NOL12: variants seen among roughly 807,000 people sequenced by gnomAD.
NOL12 encodes nucleolar protein 12.
NOL12 carries 21 observed loss-of-function variants against 25.2 expected under a neutral mutation model. The ratio of observed to expected loss-of-function variants is 0.83; its 90% confidence interval spans 0.59 to 1.20. The LOEUF (loss-of-function observed/expected upper bound fraction) is 1.20. Among genes scored for constraint, NOL12 ranks in the 50% most tolerant of loss-of-function variants. NOL12 has a pLI of 0.00. For missense variants in NOL12, 286 were observed against 287.6 expected (o/e 0.99, Z 0.04); for synonymous variants, 133 against 113.8 (o/e 1.17, Z -1.08).
rs1235729257 is a variant in NOL12 at position 37,691,214 on chromosome 22, A to T, written c.520A>T (p.Lys174Ter). ...AGCATCACTACATGCACACAGCCGC[A>T]AAAAGGTCAAGAGGAAACATCCCCG... ...LTASLHAHSR[K>*]KVKRKHPRRA... The change falls in exon 6 of 6, where the codon AAA becomes TAA. Residue 174 changes from lysine (K) to a stop codon, truncating the protein, a stop_gained. Coordinates refer to ENST00000359114, the MANE Select transcript of NOL12 (RefSeq NM_024313.3). LOFTEE classifies it high-confidence loss of function. The T allele has an allele frequency of 1.2e-6, 2 of 1,613,604 alleles. No homozygotes were observed. Among genetic ancestry groups the T allele is most frequent in the Non-Finnish European group, 1.7e-6 (2 of 1,179,838 alleles).
intron 1 of NOL12, 77 bp downstream of exon 1, chr22:37,686,552 CCCG>C: frequency 6.9e-7 from 1 of 1,439,714 alleles, no homozygotes; most frequent in Non-Finnish European, 9.1e-7. Context: ...CGAGCACGCT[CCCG>C]CCGGGGGCTC....
At chr22:37,687,802 A>T in intron 1 of NOL12, 108 bp from the exon 2 acceptor site, 1 of 755,004 alleles carries the variant, frequency 1.3e-6, no homozygotes, top group Admixed American at 2.5e-5. Context: ...CTTTTTTGGA[A>T]TGGTGCCTAG....
intron 3 of NOL12, 127 bp from the exon 4 acceptor site, chr22:37,688,723 C>G: frequency 1.1e-6 from 1 of 898,784 alleles, no homozygotes. Flanking sequence ...GCTCTACAGC[C>G]AGTGACCTTG....
Position 37,692,284 on chromosome 22 carries a change from G to C in NOL12, c.*948G>C. 1 of 379,024 alleles carries C rather than the reference G, an allele frequency of 2.6e-6. No individual in the cohort carries two copies. 23.5% of individuals were successfully genotyped at this position (379,024 alleles called of 1,614,324 possible). A position where few individuals can be genotyped will look rare whatever the true frequency, so the allele number is the denominator to read the frequency against. ...AGGTGGAAGAATCACTTGAACCCTGGAGGCGGAGGCTGCAGTGAGCCGAGA... is the reference window on the plus strand; with the variant it reads ...AGGTGGAAGAATCACTTGAACCCTGCAGGCGGAGGCTGCAGTGAGCCGAGA... On this transcript the variant is annotated 3_prime_UTR_variant, in exon 6 of 6. Coordinates refer to ENST00000359114, the MANE Select transcript of NOL12 (RefSeq NM_024313.3).
intron 1 of NOL12, chr22:37,686,987 A>G: frequency 1.0e-6 from 1 of 985,368 alleles, no homozygotes; most frequent in Non-Finnish European, 1.2e-6. Context: ...CGTGGGACAA[A>G]ATGGGAACAG....
intron 1 of NOL12, 36 bp downstream of exon 1, chr22:37,686,511 T>A: frequency 1.3e-6 from 2 of 1,550,166 alleles, no homozygotes; most frequent in Non-Finnish European, 1.7e-6. Flanking sequence ...CCCCTCGAGC[T>A]GTTCTTCGCG....
intron 4 of NOL12, 123 bp from the exon 5 acceptor site, chr22:37,690,574 C>T: frequency 3.0e-6 from 2 of 658,434 alleles, no homozygotes; most frequent in Admixed American, 4.7e-5. Flanking sequence ...TCTCTAGTCC[C>T]AACCCAGGCC....
At position 37,693,083 on chromosome 22, in the gene NOL12, G is replaced by C. The variant is rs1372995004; in HGVS notation, c.*1747G>C. On this transcript the variant is annotated 3_prime_UTR_variant, in exon 6 of 6. Coordinates refer to ENST00000359114, the MANE Select transcript of NOL12 (RefSeq NM_024313.3). ...AGTGGTGCCTATTATGGGCCCTCCA[G>C]GTGGCTCTGGTGCTCAGCCTGCTGT... 1 of 179,258 alleles carries C rather than the reference G, an allele frequency of 5.6e-6. No homozygotes were observed. Among genetic ancestry groups the C allele is most frequent in the Non-Finnish European group, 1.2e-5 (1 of 86,094 alleles). The allele number at this position is 179,258 out of a possible 1,614,324, so 11.1% of individuals were successfully genotyped here. A position where few individuals can be genotyped will look rare whatever the true frequency, so the allele number is the denominator to read the frequency against.
chr22:37,687,862 TCTC>T, intron 1 of NOL12, 45 bp from the exon 2 acceptor site: 2 of 1,445,418 alleles, frequency 1.4e-6, no homozygotes, highest in South Asian at 2.5e-5. Context: ...CGAGCCCTTC[TCTC>T]CTTGTATAAT....
At chr22:37,686,604 T>C (rs549358210) in intron 1 of NOL12, 129 bp downstream of exon 1, 1 of 1,379,368 alleles carries the variant, frequency 7.2e-7, no homozygotes, top group Admixed American at 3.8e-5. Flanking sequence ...AGAACCCCTC[T>C]CGGCCTTCCA....
chr22:37,689,010 C>G lies in NOL12; in HGVS notation c.381+18C>G. On this transcript the variant is annotated intron_variant, in intron 4 of 5. Transcript: ENST00000359114. ...CACCTGAGGTGGGTCCCAGTCTCAGCCCTGGGAGGAAGGGGCGTGGGGGCA... is the reference window on the plus strand; with the variant it reads ...CACCTGAGGTGGGTCCCAGTCTCAGGCCTGGGAGGAAGGGGCGTGGGGGCA... 1.2e-6 allele frequency: 2 copies of G among 1,608,652 alleles called. No homozygotes were observed. The highest frequency in any genetic ancestry group is 2.7e-5 in the African/African-American group (2 of 75,048).
chr22:37,690,927 C>A, intron 5 of NOL12, 133 bp downstream of exon 5: 1 of 720,726 alleles, frequency 1.4e-6, no homozygotes. Flanking sequence ...TCTGCCTCTC[C>A]TCATTGCCCC....
intron 5 of NOL12, 43 bp downstream of exon 5, chr22:37,690,837 C>A: frequency 6.9e-7 from 1 of 1,447,138 alleles, no homozygotes; most frequent in Non-Finnish European, 9.7e-7. Flanking sequence ...CCCCTCCTGG[C>A]TGGCAGTAGT....
At chr22:37,688,453 C>T in intron 3 of NOL12, 93 bp downstream of exon 3, 1 of 1,369,444 alleles carries the variant, frequency 7.3e-7, no homozygotes, top group Admixed American at 1.7e-5. Flanking sequence ...ACCTCCTTGG[C>T]CCTAGGGATC....
chr22:37,692,993 C>G lies in NOL12; in HGVS notation c.*1657C>G, dbSNP rs546272576. On this transcript the variant is annotated 3_prime_UTR_variant, in exon 6 of 6. Transcript: ENST00000359114. ...GGCTTCTTGGCTCCGCCCACCTGCTCTCCCTGCCACCAAGTTGTCTTCCCC... is the reference window on the plus strand; with the variant it reads ...GGCTTCTTGGCTCCGCCCACCTGCTGTCCCTGCCACCAAGTTGTCTTCCCC... The G allele has an allele frequency of 1.7e-4, 55 of 320,122 alleles. No homozygotes were observed. The South Asian group carries it at 8.0e-3, about 47-fold the overall frequency. 19.8% of individuals were successfully genotyped at this position (320,122 alleles called of 1,614,324 possible). A position where few individuals can be genotyped will look rare whatever the true frequency, so the allele number is the denominator to read the frequency against.
Position 37,686,561 on chromosome 22 carries a change from G to A in NOL12, c.83+86G>A, listed in dbSNP as rs957425091. The A allele has an allele frequency of 6.3e-6, 9 of 1,424,920 alleles. No homozygotes were observed. The South Asian group carries it at 1.1e-4, about 17-fold the overall frequency. The allele number at this position is 1,424,920 out of a possible 1,614,324, so 88.3% of individuals were successfully genotyped here. A position where few individuals can be genotyped will look rare whatever the true frequency, so the allele number is the denominator to read the frequency against. Reference sequence around the variant, plus strand: ...TGGGGCCGAGCACGCTCCCGCCGGGGGCTCTTCCGGTCCCGCCCCCTGGCG... The same window carrying A: ...TGGGGCCGAGCACGCTCCCGCCGGGAGCTCTTCCGGTCCCGCCCCCTGGCG... On this transcript the variant is annotated intron_variant, in intron 1 of 5. Transcript: ENST00000359114.
intron 5 of NOL12, 66 bp from the exon 6 acceptor site, chr22:37,691,108 C>T (rs925604999): frequency 3.3e-6 from 5 of 1,525,054 alleles, no homozygotes; most frequent in Admixed American, 3.8e-5. Flanking sequence ...GACATCCCCT[C>T]CGTGAGCCAG....
At chr22:37,688,829 G>T (rs1036894555) in intron 3 of NOL12, 21 bp from the exon 4 acceptor site, 4 of 1,613,496 alleles carry the variant, frequency 2.5e-6, no homozygotes, top group Non-Finnish European at 3.4e-6. Context: ...ACTGAGACCA[G>T]GTCTGTGTCC....
At chr22:37,689,439 G>A (rs962235193) in intron 4 of NOL12, among the ~76,000 whole-genome samples, 8 of 152,160 alleles carry the variant, frequency 5.3e-5, no homozygotes, top group African/African-American at 1.4e-4. Context: ...TGTTGTGATC[G>A]TTCCCTTTGT....
Sources: allele counts gnomAD v4.1 joint callset (sites outside exome capture counted in the v4.1 genomes callset), GRCh38; gene constraint gnomAD v4.1.1; transcripts MANE v1.5; gene names NCBI Gene and HGNC (gene_info 2026-07-23, HGNC 2026-07-21).